The following CSGALNACT1 variants were observed in gnomAD, a reference collection of about 807,000 sequenced individuals.
CSGALNACT1 encodes beta4GalNAcT-1.
Under a neutral mutation model 51.0 loss-of-function variants are expected in CSGALNACT1, and 52 were observed. The ratio of observed to expected loss-of-function variants is 1.02; its 90% CI spans 0.82 to 1.29. The LOEUF is 1.29. CSGALNACT1 is among the 50% of genes most tolerant of loss of function. The probability of loss-of-function intolerance (pLI) is 0.00; values close to 1 mark genes in which losing one functional copy is unlikely to be tolerated. For missense variants in CSGALNACT1, 935 were observed against 679.2 expected (o/e 1.38, Z -4.19); for synonymous variants, 341 against 254.4 (o/e 1.34, Z -3.24).
chr8:19,552,360 G>T (rs568968455), intron 3 of CSGALNACT1, among the ~76,000 whole-genome samples: 1 of 152,064 alleles, frequency 6.6e-6, no homozygotes, highest in East Asian at 1.9e-4. Context: ...TTCTTTTCTG[G>T]AATAATATTA....
At chr8:19,495,031 A>T (rs1690662762) in intron 4 of CSGALNACT1, 2 of 152,176 alleles carry the variant, frequency 1.3e-5, no homozygotes, top group African/African-American at 4.8e-5. Context: ...GGCTCAGCAG[A>T]TACTCACTCC....
chr8:19,731,060 A>T (rs1261429469), intron 1 of CSGALNACT1, among the ~76,000 whole-genome samples: 1 of 152,164 alleles, frequency 6.6e-6, no homozygotes, highest in Non-Finnish European at 1.5e-5. Context: ...TGTGAAAGAA[A>T]AGGAATCATG....
intron 1 of CSGALNACT1, among the ~76,000 whole-genome samples, chr8:19,756,539 C>T (rs573656548): frequency 2.0e-5 from 3 of 152,302 alleles, no homozygotes; most frequent in Admixed American, 1.3e-4. Context: ...TTTGCCTCCG[C>T]TTCCTACAGC....
intron 3 of CSGALNACT1, among the ~76,000 whole-genome samples, chr8:19,573,459 T>C (rs896063126): frequency 6.6e-6 from 1 of 152,128 alleles, no homozygotes; most frequent in Non-Finnish European, 1.5e-5. Flanking sequence ...TTTTTTTTTT[T>C]TGGACACTAA....
chr8:19,478,283 G>A (rs536469474), intron 4 of CSGALNACT1, among the ~76,000 whole-genome samples: 21 of 151,918 alleles, frequency 1.4e-4, no homozygotes, highest in East Asian at 9.7e-4. Context: ...GTGTGGTGGC[G>A]GGCACCTGTA....
At chr8:19,690,921 T>C (rs2061275580) in intron 1 of CSGALNACT1, among the ~76,000 whole-genome samples, 1 of 152,170 alleles carries the variant, frequency 6.6e-6, no homozygotes, top group African/African-American at 2.4e-5. Context: ...TTAATAAAGA[T>C]TGCCTTATTA....
intron 3 of CSGALNACT1, among the ~76,000 whole-genome samples, chr8:19,530,139 T>C (rs577274448): frequency 6.6e-6 from 1 of 152,068 alleles, no homozygotes; most frequent in African/African-American, 2.4e-5. Context: ...GAAAATTGCA[T>C]GAACCCAGGA....
rs11992411 is a variant in CSGALNACT1 at position 19,680,129 on chromosome 8, T to G, written c.-544+2344A>C. Among the ~76,000 whole-genome samples the G allele has an allele frequency of 8.6e-3, 1,315 of 152,282 alleles. 24 individuals carry two copies. The highest frequency in any genetic ancestry group is 0.03 in the African/African-American group (1,251 of 41,534). On this transcript the variant is annotated intron_variant, in intron 1 of 9. Transcript: ENST00000332246. ...TCTATGTCAACCTCCAAAAGCCTAT[T>G]TCACTTGTAAACTACCTGAAATAGT...
At chr8:19,473,150 G>C (rs529541812) in intron 4 of CSGALNACT1, among the ~76,000 whole-genome samples, 1 of 152,256 alleles carries the variant, frequency 6.6e-6, no homozygotes, top group South Asian at 2.1e-4. Context: ...TGGACCCAGA[G>C]ATGTAAAGAT....
At chr8:19,495,451 C>T (rs1199146164) in intron 4 of CSGALNACT1, among the ~76,000 whole-genome samples, 1 of 152,182 alleles carries the variant, frequency 6.6e-6, no homozygotes, top group Non-Finnish European at 1.5e-5. Context: ...GGGCTGTATG[C>T]ATTGATCCAG....
chr8:19,703,724 G>A (rs1480337226), intron 1 of CSGALNACT1, among the ~76,000 whole-genome samples: 30 of 152,124 alleles, frequency 2.0e-4, no homozygotes, highest in Admixed American at 2.0e-3. Context: ...ATCCTCTCAT[G>A]GTCTGCATGT....
intron 1 of CSGALNACT1, among the ~76,000 whole-genome samples, chr8:19,724,750 C>T (rs909044597): frequency 6.6e-6 from 1 of 152,218 alleles, no homozygotes; most frequent in Non-Finnish European, 1.5e-5. Context: ...ATCTGTTCTG[C>T]TCAGATACTT....
intron 4 of CSGALNACT1, among the ~76,000 whole-genome samples, chr8:19,478,499 T>C (rs144420513): frequency 6.7e-6 from 1 of 149,364 alleles, no homozygotes; most frequent in African/African-American, 2.5e-5. Flanking sequence ...TGGTGTAGCC[T>C]CGACTCCCCA....
intron 3 of CSGALNACT1, among the ~76,000 whole-genome samples, chr8:19,516,428 T>C (rs1001359661): frequency 2.6e-5 from 4 of 152,072 alleles, no homozygotes; most frequent in African/African-American, 9.7e-5. Context: ...ACACCCAGCG[T>C]GTCCAATTTT....
chr8:19,405,492 G>A lies in CSGALNACT1; in HGVS notation c.*288C>T, dbSNP rs3802330. ...CACACAAAACAACAGGTCTCAGTGT[G>A]TTGTAAACACCATCAAAACCTCCAC... On this transcript the variant is annotated 3_prime_UTR_variant, in exon 10 of 10. Transcript: ENST00000454498. 379,887 of 575,906 alleles carry A rather than the reference G, an allele frequency of 0.66. 129,439 individuals carry two copies. Among genetic ancestry groups the A allele is most frequent in the East Asian group, 0.97 (24,245 of 24,922 alleles). The allele number at this position is 575,906 out of a possible 1,614,324, so 35.7% of individuals were successfully genotyped here.
chr8:19,518,747 C>G (rs2080043527), intron 3 of CSGALNACT1, among the ~76,000 whole-genome samples: 1 of 152,192 alleles, frequency 6.6e-6, no homozygotes, highest in Non-Finnish European at 1.5e-5. Flanking sequence ...AATGTAGCTG[C>G]TTCACTTCCA....
chr8:19,554,837 G>A (rs1173307657), intron 3 of CSGALNACT1, among the ~76,000 whole-genome samples: 2 of 152,148 alleles, frequency 1.3e-5, no homozygotes, highest in African/African-American at 4.8e-5. Context: ...ATAATCACTT[G>A]AACCTGGGAG....
At chr8:19,557,183 CACT>C (rs1298925551) in intron 3 of CSGALNACT1, among the ~76,000 whole-genome samples, 3 of 152,272 alleles carry the variant, frequency 2.0e-5, no homozygotes, top group South Asian at 2.1e-4. Context: ...ATCAGGAAAC[CACT>C]GAGCTGTCAC....
intron 8 of CSGALNACT1, among the ~76,000 whole-genome samples, chr8:19,413,985 G>C (rs1014611946): frequency 9.2e-5 from 14 of 152,158 alleles, no homozygotes; most frequent in African/African-American, 3.4e-4. Context: ...ATCCCAACAA[G>C]GGCTCAGGGC....
Sources: gnomAD v4.1 joint callset for allele counts (sites outside exome capture counted in the v4.1 genomes callset) on GRCh38, gnomAD v4.1.1 for gene constraint, MANE v1.5 for transcripts, NCBI Gene and HGNC (gene_info 2026-07-23, HGNC 2026-07-21) for gene names.